VPS50: variants seen among roughly 807,000 people sequenced by gnomAD.
The protein encoded by VPS50 is VPS50 subunit of EARP/GARPII complex.
Under a neutral mutation model 139.7 loss-of-function variants are expected in VPS50, and 70 were observed. The ratio of observed to expected loss-of-function variants is 0.50; its 90% CI spans 0.41 to 0.61. VPS50 has a LOEUF of 0.61. VPS50 is among the 20% of genes least tolerant of loss of function. The pLI, the probability that VPS50 is intolerant of heterozygous loss-of-function variation, is 0.00. For missense variants in VPS50, 921 were observed against 1,133.7 expected (o/e 0.81, Z 2.69); for synonymous variants, 365 against 376.7 (o/e 0.97, Z 0.36).
At chr7:93,232,864 G>C (rs1794679209) in intron 1 of VPS50, among the ~76,000 whole-genome samples, 1 of 152,202 alleles carries the variant, frequency 6.6e-6, no homozygotes, top group African/African-American at 2.4e-5. Context: ...GGGTAGGGTG[G>C]TGTGGTCTGT....
intron 22 of VPS50, among the ~76,000 whole-genome samples, chr7:93,334,941 T>C (rs1228996168): frequency 1.3e-5 from 2 of 152,226 alleles, no homozygotes; most frequent in African/African-American, 4.8e-5. Context: ...TTTTCCTTTA[T>C]TCCTTCAACC....
chr7:93,336,014 T>A (rs1463258078), intron 22 of VPS50, among the ~76,000 whole-genome samples: 1 of 152,236 alleles, frequency 6.6e-6, no homozygotes, highest in African/African-American at 2.4e-5. Flanking sequence ...CAGGATTTTT[T>A]AAGCTGGTAT....
chr7:93,280,027 A>ATTAGTGTTC (rs911436982), intron 12 of VPS50, among the ~76,000 whole-genome samples: 1 of 152,174 alleles, frequency 6.6e-6, no homozygotes, highest in African/African-American at 2.4e-5. Context: ...CTGAGATGAA[A>ATTAGTGTTC]TTAGTGTTCC....
At chr7:93,322,427 G>GT (rs997663464) in intron 20 of VPS50, among the ~76,000 whole-genome samples, 4 of 151,206 alleles carry the variant, frequency 2.6e-5, no homozygotes, top group African/African-American at 7.3e-5. Flanking sequence ...GTGAAACCCC[G>GT]TCTCTACTAA....
In VPS50 at chr7:93,349,916, G is replaced by T; in HGVS notation, c.2346G>T (p.Trp782Cys). The change falls in exon 25 of 28, where the codon TGG becomes TGT. Residue 782 changes from tryptophan (W) to cysteine (C), a missense_variant. Trp to Cys is a radical substitution (Grantham distance 215). Around this residue, in one of 3 missense-constraint regions of VPS50, gnomAD observed 744 missense variants for 930.6 expected, o/e 0.80. Transcript: ENST00000305866. The part of the protein sequence containing the change: ...TASELRKPIY[W>C]IVAGKALDYE... ...GTGAACTACGGAAACCAATTTACTG[G>T]ATTGTAGCTGGTAAAGCCCTTGATT... 1 of 1,613,612 alleles carries T rather than the reference G, an allele frequency of 6.2e-7. No homozygotes were observed. The highest frequency in any genetic ancestry group is 8.5e-7 in the Non-Finnish European group (1 of 1,179,684).
chr7:93,263,274 A>T (rs1729786433), intron 9 of VPS50, among the ~76,000 whole-genome samples: 1 of 152,242 alleles, frequency 6.6e-6, no homozygotes, highest in Non-Finnish European at 1.5e-5. Flanking sequence ...TAGTAATCTT[A>T]GGAGCAGTAA....
At chr7:93,240,217 G>GCA (rs371902647) in intron 2 of VPS50, among the ~76,000 whole-genome samples, 4,997 of 142,266 alleles carry the variant, frequency 0.035, 81 homozygotes, top group South Asian at 0.058. Context: ...ATATGTGTAT[G>GCA]CACACACACA....
chr7:93,253,481 A>G (rs762615035), intron 3 of VPS50, among the ~76,000 whole-genome samples: 9 of 152,240 alleles, frequency 5.9e-5, no homozygotes, highest in Non-Finnish European at 1.2e-4. Flanking sequence ...AAATAGAGAT[A>G]TATCTGTGGA....
chr7:93,236,331 G>T (rs912810811), intron 1 of VPS50, among the ~76,000 whole-genome samples: 1 of 152,160 alleles, frequency 6.6e-6, no homozygotes, highest in Admixed American at 6.5e-5. Context: ...TAGGGGGAGA[G>T]AAATTAGGGA....
At chr7:93,233,383 G>A (rs1447006845) in intron 1 of VPS50, among the ~76,000 whole-genome samples, 3 of 152,206 alleles carry the variant, frequency 2.0e-5, no homozygotes, top group African/African-American at 4.8e-5. Flanking sequence ...GCTTTTAGAA[G>A]TTTGGAGAAT....
At chr7:93,337,968 TA>T (rs1281194447) in intron 22 of VPS50, among the ~76,000 whole-genome samples, 1 of 152,194 alleles carries the variant, frequency 6.6e-6, no homozygotes, top group Admixed American at 6.5e-5. Context: ...TTTATATTTC[TA>T]CCTCTTTTGG....
chr7:93,354,623 G>A (rs770341093), intron 26 of VPS50, among the ~76,000 whole-genome samples: 1 of 152,028 alleles, frequency 6.6e-6, no homozygotes, highest in Non-Finnish European at 1.5e-5. Context: ...GGTAAAATCA[G>A]CCCTCGTAAC....
chr7:93,332,301 A>G (rs916286156), intron 21 of VPS50, among the ~76,000 whole-genome samples: 1 of 152,194 alleles, frequency 6.6e-6, no homozygotes, highest in Non-Finnish European at 1.5e-5. Context: ...GGAAGGAGAT[A>G]GTAAGCTCTC....
At chr7:93,347,492 C>T (rs1178153585) in intron 23 of VPS50, among the ~76,000 whole-genome samples, 1 of 105,300 alleles carries the variant, frequency 9.5e-6, no homozygotes, top group Admixed American at 9.9e-5. Context: ...ACCCAAAGGA[C>T]TATAAATCAT....
chr7:93,261,160 C>T (rs562936209), intron 9 of VPS50, among the ~76,000 whole-genome samples: 2 of 152,206 alleles, frequency 1.3e-5, no homozygotes, highest in South Asian at 2.1e-4. Flanking sequence ...TCCATTTGAA[C>T]CAAAGCATCC....
chr7:93,256,309 T>C (rs76026497), intron 4 of VPS50, 200 bp from the exon 5 acceptor site: 4,677 of 370,884 alleles, frequency 0.013, 217 homozygotes, highest in African/African-American at 0.09. Flanking sequence ...CCAGGACCTG[T>C]GCTATGTGCT....
chr7:93,306,164 A>C (rs919383051), intron 18 of VPS50, among the ~76,000 whole-genome samples, 160 bp downstream of exon 18: 35 of 151,920 alleles, frequency 2.3e-4, no homozygotes, highest in Admixed American at 5.3e-4. Context: ...TGATGACTTT[A>C]CAATATGCTT....
At chr7:93,323,114 T>C (rs1242754656) in intron 20 of VPS50, 1 of 152,230 alleles carries the variant, frequency 6.6e-6, no homozygotes, top group African/African-American at 2.4e-5. Flanking sequence ...CTTGCATGTA[T>C]CATTTTTCTT....
At chr7:93,326,045 G>C (rs563739370) in intron 21 of VPS50, among the ~76,000 whole-genome samples, 61 of 152,092 alleles carry the variant, frequency 4.0e-4, no homozygotes, top group Admixed American at 1.4e-3. Flanking sequence ...TTGGAACCAA[G>C]CCAAATGTCC....
Sources: allele counts gnomAD v4.1 joint callset (sites outside exome capture counted in the v4.1 genomes callset), GRCh38; gene constraint gnomAD v4.1.1; regional missense constraint gnomAD v4.1.1; transcripts MANE v1.5; gene names NCBI Gene and HGNC (gene_info 2026-07-23, HGNC 2026-07-21).